STAMBPL1: variants seen among roughly 807,000 people sequenced by gnomAD.
STAMBPL1 encodes the protein AMSH-like protease.
In STAMBPL1, 44 loss-of-function variants were observed where a neutral mutation model predicts 52.9. That is an observed-to-expected ratio of 0.83 (90% CI 0.65 to 1.07). The LOEUF (loss-of-function observed/expected upper bound fraction) is 1.07. STAMBPL1 is among the 50% of genes least tolerant of loss of function. The pLI, the probability that STAMBPL1 is intolerant of heterozygous loss-of-function variation, is 0.00. For synonymous variants in STAMBPL1, 164 were observed against 177.3 expected (o/e 0.92, Z 0.60); for missense variants, 511 against 520.8 (o/e 0.98, Z 0.18).
intron 1 of STAMBPL1, among the ~76,000 whole-genome samples, chr10:88,887,668 G>C (rs1359228644): frequency 6.6e-6 from 1 of 152,086 alleles, no homozygotes; most frequent in Non-Finnish European, 1.5e-5. Flanking sequence ...ACAGGTGCGT[G>C]CTGCCACACC....
chr10:88,923,044 A>G, intron 10 of STAMBPL1, 124 bp from the exon 11 acceptor site: 1 of 693,406 alleles, frequency 1.4e-6, no homozygotes, highest in Non-Finnish European at 2.4e-6. Flanking sequence ...TTCTGATTGG[A>G]AATATTTTAA....
Position 88,914,514 on chromosome 10 carries a change from C to A in STAMBPL1, c.779-20C>A. ...CATATAGTTTGTTTTTTAGCCTTTT[C>A]TCCCTTTTTTGTTTCTTAGATTTAG... On this transcript the variant is annotated intron_variant, in intron 6 of 10. Transcript: ENST00000371926. 1.4e-6 allele frequency: 2 copies of A among 1,468,890 alleles called. No individual in the cohort carries two copies. Among genetic ancestry groups the A allele is most frequent in the South Asian group, 1.5e-5 (1 of 67,620 alleles). 91.0% of individuals were successfully genotyped at this position (1,468,890 alleles called of 1,614,324 possible).
intron 1 of STAMBPL1, 54 bp from the exon 2 acceptor site, chr10:88,901,602 T>G: frequency 8.3e-7 from 1 of 1,204,038 alleles, no homozygotes; most frequent in Non-Finnish European, 1.2e-6. Flanking sequence ...GTTTGGGATT[T>G]CAAACTTGGG....
chr10:88,884,322 C>T (rs1358557019), intron 1 of STAMBPL1, among the ~76,000 whole-genome samples: 2 of 152,114 alleles, frequency 1.3e-5, no homozygotes, highest in East Asian at 3.8e-4. Flanking sequence ...AAGTGAAAAG[C>T]GGGTTTCCTC....
intron 1 of STAMBPL1, among the ~76,000 whole-genome samples, chr10:88,888,726 CAGAG>C (rs1176496979): frequency 6.6e-6 from 1 of 152,092 alleles, no homozygotes; most frequent in African/African-American, 2.4e-5. Context: ...GAAATAGACT[CAGAG>C]AGTTAAGTAA....
At chr10:88,898,302 T>C (rs7912777) in intron 1 of STAMBPL1, among the ~76,000 whole-genome samples, 35,523 of 152,130 alleles carry the variant, frequency 0.23, 5,267 homozygotes, top group East Asian at 0.45. Context: ...CTGTGAAAGA[T>C]TGATATTTAA....
In STAMBPL1 at chr10:88,921,266, T is replaced by C. The variant is rs905903675; in HGVS notation, c.1042-17T>C. 3.1e-6 allele frequency: 5 copies of C among 1,598,494 alleles called. No individual in the cohort carries two copies. In the African/African-American group the frequency reaches 6.7e-5, roughly 21 times the overall value. On this transcript the variant is annotated splice_polypyrimidine_tract_variant and intron_variant, in intron 8 of 10. Transcript: ENST00000371926. ...AGACAGCTATCCTAGTAAGATTATCTTATTTTCTATTTATAGACACATCCC... is the reference window on the plus strand; with the variant it reads ...AGACAGCTATCCTAGTAAGATTATCCTATTTTCTATTTATAGACACATCCC...
chr10:88,902,495 C>A (rs748168709), intron 2 of STAMBPL1, among the ~76,000 whole-genome samples: 2 of 152,118 alleles, frequency 1.3e-5, no homozygotes, highest in African/African-American at 4.8e-5. Context: ...ATACCCTGTA[C>A]GCACAAAGAC....
At position 88,898,845 on chromosome 10, in the gene STAMBPL1, T is replaced by A. The variant is rs532005514; in HGVS notation, c.-53-2811T>A. ...TACAGGAGGATAAAGTGCTAGATATTTACATTTTCGGCCATCTTTTCAGCC... is the reference window on the plus strand; with the variant it reads ...TACAGGAGGATAAAGTGCTAGATATATACATTTTCGGCCATCTTTTCAGCC... On this transcript the variant is annotated intron_variant, in intron 1 of 10. Transcript: ENST00000371926. Among the ~76,000 whole-genome samples the A allele has an allele frequency of 2.0e-4, 30 of 152,314 alleles. No individual in the cohort carries two copies. In the South Asian group the frequency reaches 6.2e-3, roughly 32 times the overall value.
chr10:88,887,909 T>A (rs985777199), intron 1 of STAMBPL1, among the ~76,000 whole-genome samples: 1 of 152,220 alleles, frequency 6.6e-6, no homozygotes, highest in Non-Finnish European at 1.5e-5. Context: ...AAGAGCTAAA[T>A]CTAATCTTAT....
chr10:88,895,170 C>T (rs1320292628), intron 1 of STAMBPL1, among the ~76,000 whole-genome samples: 3 of 152,182 alleles, frequency 2.0e-5, no homozygotes, highest in African/African-American at 7.2e-5. Flanking sequence ...ATGGCTGCTG[C>T]CTTTTAAAAC....
intron 1 of STAMBPL1, among the ~76,000 whole-genome samples, chr10:88,899,876 G>A (rs761641383): frequency 8.6e-5 from 13 of 151,986 alleles, no homozygotes; most frequent in Non-Finnish European, 1.3e-4. Context: ...CTCCCTCCCC[G>A]GCTTCACATT....
At position 88,901,518 on chromosome 10, in the gene STAMBPL1, GTC is replaced by G. The variant is rs1844942665; in HGVS notation, c.-53-132_-53-131del. 3 of 415,644 alleles carry G rather than the reference GTC, an allele frequency of 7.2e-6. No individual in the cohort carries two copies. The South Asian group carries it at 1.8e-4, about 25-fold the overall frequency. The allele number at this position is 415,644 out of a possible 1,614,324, so 25.7% of individuals were successfully genotyped here. A position where few individuals can be genotyped will look rare whatever the true frequency, so the allele number is the denominator to read the frequency against. On this transcript the variant is annotated intron_variant, in intron 1 of 10. Transcript: ENST00000371926. Reference sequence around the variant, plus strand: ...TATTTTCAGGAAGAGATTTCCAACAGTCTCTCTAAACACTCAGGTTATATAGG... The same window carrying G: ...TATTTTCAGGAAGAGATTTCCAACAGTCTCTAAACACTCAGGTTATATAGG...
At chr10:88,918,189 A>T (rs1445123225) in intron 8 of STAMBPL1, among the ~76,000 whole-genome samples, 3 of 152,078 alleles carry the variant, frequency 2.0e-5, no homozygotes, top group Non-Finnish European at 4.4e-5. Context: ...TCCAGGACAC[A>T]TTCTGGGGAC....
chr10:88,887,701 T>TG (rs1224435968), intron 1 of STAMBPL1, among the ~76,000 whole-genome samples: 1 of 152,118 alleles, frequency 6.6e-6, no homozygotes, highest in African/African-American at 2.4e-5. Flanking sequence ...ATTTTTTTTT[T>TG]GGTAGAGACG....
intron 1 of STAMBPL1, among the ~76,000 whole-genome samples, chr10:88,881,899 T>C (rs1285821642): frequency 6.6e-6 from 1 of 152,248 alleles, no homozygotes; most frequent in Non-Finnish European, 1.5e-5. Context: ...AATGTGTCGC[T>C]GAGCAGTAGG....
chr10:88,905,923 T>A (rs1256471845), intron 3 of STAMBPL1, among the ~76,000 whole-genome samples: 2 of 152,204 alleles, frequency 1.3e-5, no homozygotes, highest in Non-Finnish European at 2.9e-5. Flanking sequence ...GTAATCTATT[T>A]AATACATGTT....
chr10:88,915,522 T>G (rs914911317), intron 7 of STAMBPL1, among the ~76,000 whole-genome samples: 20 of 152,216 alleles, frequency 1.3e-4, no homozygotes, highest in Non-Finnish European at 1.9e-4. Flanking sequence ...AGTGTGCTAT[T>G]GAAGCATTCA....
intron 8 of STAMBPL1, among the ~76,000 whole-genome samples, chr10:88,917,696 G>GT (rs1486297590): frequency 6.6e-6 from 1 of 152,138 alleles, no homozygotes; most frequent in African/African-American, 2.4e-5. Flanking sequence ...GCTGAGGGAA[G>GT]TTTTTTCCAT....
Sources: allele counts gnomAD v4.1 joint callset (sites outside exome capture counted in the v4.1 genomes callset), GRCh38; gene constraint gnomAD v4.1.1; transcripts MANE v1.5; gene names NCBI Gene and HGNC (gene_info 2026-07-23, HGNC 2026-07-21).